MACROH2A2: variants seen among roughly 807,000 people sequenced by gnomAD.
MACROH2A2 encodes core histone macro-H2A.2.
In MACROH2A2, 6 loss-of-function variants were observed where a neutral mutation model predicts 37.6. That is an observed-to-expected ratio of 0.16 (90% CI 0.09 to 0.32). The LOEUF (loss-of-function observed/expected upper bound fraction) is 0.32. Ranked by LOEUF, MACROH2A2 falls within the 10% of genes least tolerant of loss-of-function variation. The probability of loss-of-function intolerance (pLI) is 1.00; values close to 1 mark genes in which losing one functional copy is unlikely to be tolerated. For synonymous variants in MACROH2A2, 192 were observed against 202.7 expected, an observed-to-expected ratio of 0.95 and a Z score of 0.45; for missense variants, 290 against 485.9, an observed-to-expected ratio of 0.60 and a Z score of 3.79.
Position 70,090,100 on chromosome 10 carries a change from C to G in MACROH2A2, c.213C>G (p.Asn71Lys). 2 of 1,614,042 alleles carry G rather than the reference C, an allele frequency of 1.2e-6. No individual in the cohort carries two copies. The highest frequency in any genetic ancestry group is 1.7e-6 in the Non-Finnish European group (2 of 1,179,866). Reference sequence around the variant, plus strand: ...TGGCCGGCAATGCCGCGAGGGACAACAAGAAGGCCCGGATAGCCCCGAGAC... The same window carrying G: ...TGGCCGGCAATGCCGCGAGGGACAAGAAGAAGGCCCGGATAGCCCCGAGAC... The part of the protein sequence containing the change: ...LELAGNAARD[N>K]KKARIAPRHI... The change falls in exon 3 of 9, where the codon AAC (asparagine) becomes AAG (lysine). Residue 71 changes from asparagine to lysine, a missense_variant. This residue lies in a region of MACROH2A2 where 83 missense variants were observed against 159.9 expected (regional missense o/e 0.52). Coordinates refer to ENST00000373255, the MANE Select transcript of MACROH2A2 (RefSeq NM_018649.3).
At chr10:70,055,786 T>C (rs762805688) in intron 1 of MACROH2A2, among the ~76,000 whole-genome samples, 1 of 152,184 alleles carries the variant, frequency 6.6e-6, no homozygotes, top group East Asian at 1.9e-4. Context: ...CATTTCTCAG[T>C]ATGTCACCCA....
chr10:70,059,912 T>G (rs1466897895), intron 1 of MACROH2A2, among the ~76,000 whole-genome samples: 1 of 152,072 alleles, frequency 6.6e-6, no homozygotes, highest in East Asian at 1.9e-4. Context: ...TGGCCAGTGG[T>G]AGCCCTTAGC....
At chr10:70,083,382 T>C (rs1163585460) in intron 2 of MACROH2A2, among the ~76,000 whole-genome samples, 2 of 152,206 alleles carry the variant, frequency 1.3e-5, no homozygotes, top group African/African-American at 4.8e-5. Flanking sequence ...TGGCAAGCAG[T>C]GCTCTTCACC....
intron 8 of MACROH2A2, among the ~76,000 whole-genome samples, chr10:70,109,882 A>G (rs1398624489): frequency 6.6e-6 from 1 of 152,236 alleles, no homozygotes; most frequent in African/African-American, 2.4e-5. Flanking sequence ...GCTGTCACAT[A>G]AAACATATCC....
intron 7 of MACROH2A2, among the ~76,000 whole-genome samples, chr10:70,101,686 T>C (rs2136641007): frequency 1.3e-5 from 2 of 152,290 alleles, no homozygotes; most frequent in East Asian, 3.9e-4. Context: ...TGGCAAGCAC[T>C]AATCTACTTT....
chr10:70,065,288 G>C (rs1387911918), intron 1 of MACROH2A2, among the ~76,000 whole-genome samples: 1 of 152,062 alleles, frequency 6.6e-6, no homozygotes, highest in Non-Finnish European at 1.5e-5. Context: ...TGTTGGCCAG[G>C]CTGGTCTCGA....
intron 2 of MACROH2A2, among the ~76,000 whole-genome samples, chr10:70,081,872 A>T (rs2072179050): frequency 6.6e-6 from 1 of 152,230 alleles, no homozygotes; most frequent in Admixed American, 6.5e-5. Flanking sequence ...AACACCAAGG[A>T]TAAATGCTTG....
chr10:70,058,346 G>C (rs1002479223), intron 1 of MACROH2A2, among the ~76,000 whole-genome samples: 3 of 152,208 alleles, frequency 2.0e-5, no homozygotes, highest in Non-Finnish European at 4.4e-5. Flanking sequence ...TGATAGAAAT[G>C]TGTGTGGAAA....
At position 70,109,013 on chromosome 10, in the gene MACROH2A2, T is replaced by C; in HGVS notation, c.779-20T>C. 6.2e-7 allele frequency: 1 copy of C among 1,610,842 alleles called. No homozygotes were observed. The highest frequency in any genetic ancestry group is 1.3e-5 in the African/African-American group (1 of 74,968). On this transcript the variant is annotated intron_variant, in intron 7 of 8. Transcript: ENST00000373255. Reference sequence around the variant, plus strand: ...AAACCTTAGGAAATAACCCGCGGCATTTTCTCTCCTATGTCCCAGCCGCCG... The same window carrying C: ...AAACCTTAGGAAATAACCCGCGGCACTTTCTCTCCTATGTCCCAGCCGCCG...
intron 2 of MACROH2A2, among the ~76,000 whole-genome samples, chr10:70,082,236 A>G (rs933100314): frequency 1.3e-5 from 2 of 152,110 alleles, no homozygotes; most frequent in African/African-American, 4.8e-5. Flanking sequence ...CCTGACCAAC[A>G]TGGAGAAACC....
intron 7 of MACROH2A2, among the ~76,000 whole-genome samples, chr10:70,100,524 C>G (rs1401992320): frequency 6.6e-6 from 1 of 152,188 alleles, no homozygotes; most frequent in East Asian, 1.9e-4. Flanking sequence ...TGCATCAGAT[C>G]CCCCAAAATG....
chr10:70,062,859 TA>T (rs1452804694), intron 1 of MACROH2A2, among the ~76,000 whole-genome samples: 1 of 152,144 alleles, frequency 6.6e-6, no homozygotes. Flanking sequence ...AATGACATAA[TA>T]GACTTTGGGT....
chr10:70,089,362 T>G (rs1406092907), intron 2 of MACROH2A2, among the ~76,000 whole-genome samples: 1 of 152,218 alleles, frequency 6.6e-6, no homozygotes, highest in Admixed American at 6.5e-5. Flanking sequence ...TTTCCTTCTG[T>G]GCTCTTGCTC....
At chr10:70,077,963 A>C (rs1230138634) in intron 2 of MACROH2A2, among the ~76,000 whole-genome samples, 1 of 152,156 alleles carries the variant, frequency 6.6e-6, no homozygotes, top group Admixed American at 6.5e-5. Flanking sequence ...CAGATGGGGA[A>C]CTAGGACTCC....
intron 5 of MACROH2A2, among the ~76,000 whole-genome samples, chr10:70,094,785 T>C (rs1007275702): frequency 7.9e-5 from 12 of 152,166 alleles, no homozygotes; most frequent in Non-Finnish European, 1.2e-4. Flanking sequence ...TGTGAACACA[T>C]AGGATAGCAA....
intron 1 of MACROH2A2, among the ~76,000 whole-genome samples, chr10:70,060,601 A>G (rs887288091): frequency 4.6e-5 from 7 of 152,170 alleles, no homozygotes; most frequent in Non-Finnish European, 7.4e-5. Flanking sequence ...GCTGTCTGGT[A>G]CTGGAACACT....
chr10:70,072,871 C>T (rs1169192754), intron 1 of MACROH2A2, among the ~76,000 whole-genome samples: 2 of 152,080 alleles, frequency 1.3e-5, no homozygotes, highest in South Asian at 2.1e-4. Context: ...GCAGGAGAAT[C>T]GTTTGAACCC....
chr10:70,064,143 C>T (rs1564540391), intron 1 of MACROH2A2, among the ~76,000 whole-genome samples: 2 of 152,194 alleles, frequency 1.3e-5, no homozygotes, highest in Admixed American at 6.5e-5. Flanking sequence ...CCGAGGCAGG[C>T]AGATCACCTG....
intron 8 of MACROH2A2, among the ~76,000 whole-genome samples, chr10:70,110,086 C>G (rs1490989720): frequency 6.6e-6 from 1 of 152,170 alleles, no homozygotes; most frequent in Non-Finnish European, 1.5e-5. Context: ...GCATTCCAGG[C>G]CCAGAGATGC....
Sources: allele counts gnomAD v4.1 joint callset (sites outside exome capture counted in the v4.1 genomes callset), GRCh38; gene constraint gnomAD v4.1.1; regional missense constraint gnomAD v4.1.1; transcripts MANE v1.5; gene names NCBI Gene and HGNC (gene_info 2026-07-23, HGNC 2026-07-21).